Variants in ARHGAP23 observed in about 807,000 individuals in gnomAD.
ARHGAP23 encodes Rho GTPase activating protein 23.
A neutral mutation model predicts 136.3 loss-of-function variants in ARHGAP23; 34 were observed. The observed-to-expected ratio is 0.25, with a 90% CI of 0.19 to 0.33. ARHGAP23 has a LOEUF of 0.33. Among genes scored for constraint, ARHGAP23 ranks in the 10% least tolerant of loss-of-function variants. The pLI is 1.00. For missense variants in ARHGAP23, 1,808 were observed against 2,139.0 expected (o/e 0.85, Z 3.05); for synonymous variants, 832 against 920.5 (o/e 0.90, Z 1.74).
At chr17:38,441,768 G>A (rs1597751723) in intron 1 of ARHGAP23, among the ~76,000 whole-genome samples, 1 of 152,278 alleles carries the variant, frequency 6.6e-6, no homozygotes, top group Middle Eastern at 3.4e-3. Flanking sequence ...GGGCAGGCAG[G>A]CACTGTATTA....
At chr17:38,457,758 G>C (rs1342947081) in intron 1 of ARHGAP23, 1 of 378,982 alleles carries the variant, frequency 2.6e-6, no homozygotes, top group Admixed American at 4.4e-5. Context: ...TGGGCAGGAA[G>C]GCTGTATCCA....
rs774309587 is a variant in ARHGAP23, at chr17:38,463,394, C to A, written c.483+12C>A. 6.4e-7 allele frequency: 1 copy of A among 1,551,678 alleles called. No individual in the cohort carries two copies. The highest frequency in any genetic ancestry group is 1.2e-5 in the South Asian group (1 of 84,066). On this transcript the variant is annotated intron_variant, in intron 6 of 23. Transcript: ENST00000622683. The stretch of plus-strand genomic sequence containing the variant: ...ACATCCTCCAGCTGGTGAGTCCAGC[C>A]CCTGTGGCCTGAGAGGAGACCCCTG...
intron 1 of ARHGAP23, chr17:38,452,339 C>T (rs185515618): frequency 5.3e-5 from 8 of 152,228 alleles, no homozygotes; most frequent in South Asian, 2.1e-4. Context: ...GCCACCCTCC[C>T]GCAGGTTCTT....
At chr17:38,491,782 G>A (rs2040284541) in intron 20 of ARHGAP23, 2 of 525,592 alleles carry the variant, frequency 3.8e-6, no homozygotes, top group African/African-American at 1.9e-5. Context: ...AGAGGCCCCC[G>A]AGCTTCCGAG....
intron 2 of ARHGAP23, 102 bp from the exon 3 acceptor site, chr17:38,460,803 G>A: frequency 6.5e-7 from 1 of 1,534,840 alleles, no homozygotes; most frequent in Non-Finnish European, 8.7e-7. Context: ...GAGGAGATAA[G>A]GGGTGGCGGG....
chr17:38,466,910 G>A lies in ARHGAP23; in HGVS notation c.1227G>A (p.Gln409=). The change falls in exon 7 of 24, where the codon CAG becomes CAA. Residue 409 remains glutamine (Q), a synonymous_variant. Coordinates refer to ENST00000622683, the MANE Select transcript of ARHGAP23 (RefSeq NM_001199417.2). ...GPQAPPPSGL[Q]GLDDLGYIGY... Reference sequence around the variant, plus strand: ...AGGCCCCACCCCCGTCTGGCCTGCAGGGCCTGGATGACCTCGGGTACATCG... The same window carrying A: ...AGGCCCCACCCCCGTCTGGCCTGCAAGGCCTGGATGACCTCGGGTACATCG... The A allele has an allele frequency of 6.4e-7, 1 of 1,550,462 alleles. No individual in the cohort carries two copies. The highest frequency in any genetic ancestry group is 1.2e-5 in the South Asian group (1 of 84,068).
Position 38,510,932 on chromosome 17 carries a change from C to T in ARHGAP23, c.4436C>T (p.Pro1479Leu). 6.8e-7 allele frequency: 1 copy of T among 1,470,430 alleles called. No homozygotes were observed. The highest frequency in any genetic ancestry group is 2.8e-5 in the East Asian group (1 of 35,144). The allele number at this position is 1,470,430 out of a possible 1,614,324, so 91.1% of individuals were successfully genotyped here. Residue 1479 changes from proline (P) to leucine (L), a missense_variant, in exon 24 of 24, where the codon CCG (proline) becomes CTG (leucine). Pro to Leu is a moderately conservative substitution (Grantham distance 98). This residue lies in a region of ARHGAP23 where 506 missense variants were observed against 455.8 expected (regional missense o/e 1.11). Transcript: ENST00000622683. This position sits in a 1 kb window ranked among gnomAD's most constrained non-coding sequence, Gnocchi z 4.6. Reference protein sequence around the residue: ...GDTGSLQSQPPRRSAASRLHQ... With the variant: ...GDTGSLQSQPLRRSAASRLHQ... ...ACGGGGTCCCTGCAGAGCCAGCCCC[C>T]GCGCCGCTCGGCCGCCTCCCGCCTG...
chr17:38,428,389 C>CGA (rs1377117859), upstream of ARHGAP23: 5 of 449,060 alleles, frequency 1.1e-5, no homozygotes, highest in African/African-American at 1.0e-4. Flanking sequence ...GGGGGCCCCC[C>CGA]CACACCGCGC....
Position 38,462,851 on chromosome 17 carries a change from T to A in ARHGAP23, c.259T>A (p.Ser87Thr). 1.3e-6 allele frequency: 2 copies of A among 1,514,430 alleles called. No individual in the cohort carries two copies. Among genetic ancestry groups the A allele is most frequent in the African/African-American group, 2.8e-5 (2 of 70,498 alleles). 93.8% of individuals were successfully genotyped at this position (1,514,430 alleles called of 1,614,324 possible). ...ACCTGGCTGATGCCCACTAGGACCC[T>A]CCCCCCGGTACCGCCTGGAGCCCAT... ...EENGGRGGGP[S>T]PRYRLEPMDT... The change falls in exon 4 of 24, where the codon TCC (serine) becomes ACC (threonine). Residue 87 changes from serine to threonine, a missense_variant. Physicochemically the swap from Ser to Thr is moderately conservative, Grantham distance 58. Transcript: ENST00000622683.
At chr17:38,460,290 G>A (rs985472832) in intron 2 of ARHGAP23, among the ~76,000 whole-genome samples, 1 of 152,102 alleles carries the variant, frequency 6.6e-6, no homozygotes, top group Non-Finnish European at 1.5e-5. Context: ...ACTTCCATTG[G>A]CTCCCTCTTT....
At chr17:38,423,135 T>A (rs1171799037) in intron 1 of ARHGAP23, among the ~76,000 whole-genome samples, 4 of 152,122 alleles carry the variant, frequency 2.6e-5, no homozygotes, top group African/African-American at 7.2e-5. Context: ...CCGTGGAATA[T>A]GGGGACGGTT....
chr17:38,499,863 C>T (rs1481455104), intron 22 of ARHGAP23, among the ~76,000 whole-genome samples: 1 of 152,100 alleles, frequency 6.6e-6, no homozygotes, highest in Non-Finnish European at 1.5e-5. Context: ...AGGGGACCCA[C>T]CAGGACGTGT....
intron 23 of ARHGAP23, among the ~76,000 whole-genome samples, chr17:38,504,978 CTTTTTTTTTTTTTTTTTTTTTTT>C (rs71138627): frequency 3.8e-3 from 163 of 43,164 alleles, no homozygotes; most frequent in African/African-American, 9.6e-3. Flanking sequence ...CCCTTATCAT[CTTTTTTTTTTTTTTTTTTTTTTT>C]TTTTTTTTTT....
At chr17:38,442,433 G>T (rs1186255040) in intron 1 of ARHGAP23, among the ~76,000 whole-genome samples, 7 of 152,246 alleles carry the variant, frequency 4.6e-5, no homozygotes, top group Admixed American at 4.6e-4. Flanking sequence ...GAAACAGTGT[G>T]CAGAGCACCC....
intron 20 of ARHGAP23, among the ~76,000 whole-genome samples, chr17:38,496,098 A>G (rs1271107554): frequency 6.6e-6 from 1 of 151,824 alleles, no homozygotes. Context: ...GGGTTTCACC[A>G]TATTGGCCAG....
In ARHGAP23 at chr17:38,469,625, C is replaced by A. The variant is rs554826087; in HGVS notation, c.1906C>A (p.Arg636=). 1.9e-6 allele frequency: 3 copies of A among 1,548,682 alleles called. No individual in the cohort carries two copies. The South Asian group carries it at 3.6e-5, about 18-fold the overall frequency. ...DGLNTFRDEG[R]VLRRLPNRIP... ...ACTCAACACCTTCCGCGACGAGGGC[C>A]GGGTTCTGCGGTGAGGCCCTGTCCG... Residue 636 remains arginine, a synonymous_variant, in exon 9 of 24, where the codon CGG becomes AGG. Transcript: ENST00000622683.
intron 19 of ARHGAP23, among the ~76,000 whole-genome samples, 195 bp downstream of exon 19, chr17:38,490,746 G>A (rs1429964643): frequency 6.6e-6 from 1 of 152,164 alleles, no homozygotes; most frequent in Non-Finnish European, 1.5e-5. Context: ...CATCTCCTGA[G>A]TTTCTGAGGG....
chr17:38,499,993 G>T (rs1390269921), intron 22 of ARHGAP23, among the ~76,000 whole-genome samples: 2 of 152,144 alleles, frequency 1.3e-5, no homozygotes, highest in Non-Finnish European at 2.9e-5. Flanking sequence ...ATGAGGCAGG[G>T]TGACCCCAGG....
intron 1 of ARHGAP23, among the ~76,000 whole-genome samples, chr17:38,455,475 G>A (rs2039300879): frequency 6.6e-6 from 1 of 152,170 alleles, no homozygotes; most frequent in African/African-American, 2.4e-5. Context: ...TCCTACCCTG[G>A]ATTCCATGCA....
Sources: allele counts gnomAD v4.1 joint callset (sites outside exome capture counted in the v4.1 genomes callset), GRCh38; gene constraint gnomAD v4.1.1; regional missense constraint gnomAD v4.1.1; non-coding constraint Gnocchi (gnomAD v3.1); transcripts MANE v1.5; gene names NCBI Gene and HGNC (gene_info 2026-07-23, HGNC 2026-07-21).